The following RGS3 variants were observed in gnomAD, a reference collection of about 807,000 sequenced individuals.
RGS3 encodes the protein regulator of G-protein signalling 3.
A neutral mutation model predicts 132.6 loss-of-function variants in RGS3; 80 were observed. That is an observed-to-expected ratio of 0.60 (90% CI 0.50 to 0.73). The LOEUF is 0.73. Ranked by LOEUF, RGS3 falls within the 30% of genes least tolerant of loss-of-function variation. The probability of loss-of-function intolerance (pLI) is 0.00; values close to 1 mark genes in which losing one functional copy is unlikely to be tolerated. For synonymous variants in RGS3, 598 were observed against 620.6 expected (o/e 0.96, Z 0.54); for missense variants, 1,382 against 1,530.8 (o/e 0.90, Z 1.62).
intron 19 of RGS3, among the ~76,000 whole-genome samples, chr9:113,560,514 T>C (rs1413152668): frequency 6.6e-6 from 1 of 152,226 alleles, no homozygotes; most frequent in Admixed American, 6.5e-5. Flanking sequence ...AGCGGCTTCA[T>C]CTGCCATGAC....
chr9:113,562,627 T>G (rs746675889), intron 19 of RGS3, among the ~76,000 whole-genome samples: 2 of 152,186 alleles, frequency 1.3e-5, no homozygotes, highest in Admixed American at 6.5e-5. Flanking sequence ...GATCAGTGAT[T>G]GGGGCCCAGT....
chr9:113,544,586 A>G (rs2118689505), intron 19 of RGS3, among the ~76,000 whole-genome samples: 1 of 152,376 alleles, frequency 6.6e-6, no homozygotes, highest in South Asian at 2.1e-4. Context: ...CAATTTTGCA[A>G]CGTGGAAGGG....
At chr9:113,505,649 AAGAAT>A in intron 11 of RGS3, 126 bp downstream of exon 9, 1 of 715,466 alleles carries the variant, frequency 1.4e-6, no homozygotes, top group Non-Finnish European at 2.5e-6. Flanking sequence ...TCAAAATGAA[AAGAAT>A]AATATTTTTA....
At chr9:113,572,650 C>T (rs765564597) in intron 19 of RGS3, among the ~76,000 whole-genome samples, 1 of 152,234 alleles carries the variant, frequency 6.6e-6, no homozygotes, top group Non-Finnish European at 1.5e-5. Flanking sequence ...CTTTCTGTTC[C>T]TCCTGCCCTT....
intron 18 of RGS3, among the ~76,000 whole-genome samples, chr9:113,535,757 T>G (rs909919147): frequency 6.6e-6 from 1 of 152,106 alleles, no homozygotes. Flanking sequence ...TGCTCTTAGC[T>G]CCCTGGCTGA....
chr9:113,590,325 C>A (rs909495157), intron 20 of RGS3, among the ~76,000 whole-genome samples: 1 of 152,034 alleles, frequency 6.6e-6, no homozygotes, highest in Non-Finnish European at 1.5e-5. Context: ...ATCCATCCAT[C>A]CACTCATCCA....
At chr9:113,503,266 T>A (rs973560606) in intron 10 of RGS3, 2 of 152,540 alleles carry the variant, frequency 1.3e-5, no homozygotes, top group Non-Finnish European at 1.5e-5. Context: ...GGGTGGCACT[T>A]CGAGTCTTAT....
At chr9:113,589,888 A>G (rs1835330773) in intron 20 of RGS3, 1 of 152,226 alleles carries the variant, frequency 6.6e-6, no homozygotes, top group South Asian at 2.1e-4. Flanking sequence ...AGAGGCTAGG[A>G]AACTTACCCA....
intron 19 of RGS3, chr9:113,582,261 G>C (rs1303325792): frequency 4.6e-5 from 43 of 944,118 alleles, no homozygotes; most frequent in Non-Finnish European, 5.2e-5. Flanking sequence ...CCGGCCTTTG[G>C]GCTCAGTTTT....
chr9:113,573,014 C>A (rs1208060211), intron 19 of RGS3, among the ~76,000 whole-genome samples: 1 of 152,244 alleles, frequency 6.6e-6, no homozygotes, highest in Admixed American at 6.5e-5. Flanking sequence ...ATTATGATTA[C>A]AGAAATTGCA....
intron 18 of RGS3, among the ~76,000 whole-genome samples, chr9:113,533,156 G>T (rs769450591): frequency 2.0e-5 from 3 of 152,156 alleles, no homozygotes; most frequent in Non-Finnish European, 2.9e-5. Flanking sequence ...CCATAAAATG[G>T]GGACAACAAT....
intron 17 of RGS3, among the ~76,000 whole-genome samples, chr9:113,526,924 T>G (rs1229231888): frequency 6.6e-6 from 1 of 152,208 alleles, no homozygotes; most frequent in Non-Finnish European, 1.5e-5. Flanking sequence ...AGAATTTCTC[T>G]CCTGGGTCAG....
At position 113,578,306 on chromosome 9, in the gene RGS3, C is replaced by G. The variant is rs367671989; in HGVS notation, c.2038-5144C>G. 2.6e-5 allele frequency among the ~76,000 whole-genome samples: 4 copies of G among 152,208 alleles called. No homozygotes were observed. In the East Asian group the frequency reaches 7.7e-4, roughly 29 times the overall value. On this transcript the variant is annotated intron_variant, in intron 19 of 24. Transcript: ENST00000350696. ...AGTGCTCATGGGTGCCCTCATGGTG[C>G]TGAGCTCTGGATACTCATTAGCTCA...
intron 19 of RGS3, among the ~76,000 whole-genome samples, chr9:113,540,487 C>A (rs572257448): frequency 6.6e-6 from 1 of 152,132 alleles, no homozygotes; most frequent in Non-Finnish European, 1.5e-5. Context: ...GCCATGCTTG[C>A]GGGTCCTAAG....
chr9:113,549,709 C>G (rs1588235972), intron 19 of RGS3, among the ~76,000 whole-genome samples: 1 of 152,134 alleles, frequency 6.6e-6, no homozygotes, highest in Non-Finnish European at 1.5e-5. Context: ...TTTTTCTCCC[C>G]CATTTAACAG....
At chr9:113,489,363 T>C (rs1341455683) in intron 7 of RGS3, among the ~76,000 whole-genome samples, 2 of 152,212 alleles carry the variant, frequency 1.3e-5, no homozygotes, top group Non-Finnish European at 2.9e-5. Flanking sequence ...GAAAACAAGA[T>C]GTAAATGCAG....
intron 19 of RGS3, among the ~76,000 whole-genome samples, chr9:113,575,906 G>C (rs1834500004): frequency 6.6e-6 from 1 of 152,168 alleles, no homozygotes; most frequent in Non-Finnish European, 1.5e-5. Flanking sequence ...ATGTGCAAAT[G>C]AATCTCCTGG....
Position 113,484,241 on chromosome 9 carries a change from C to G in RGS3, c.620+9C>G, listed in dbSNP as rs780117965. 3.5e-6 allele frequency: 5 copies of G among 1,437,202 alleles called. No individual in the cohort carries two copies. Among genetic ancestry groups the G allele is most frequent in the Admixed American group, 1.8e-5 (1 of 54,622 alleles). 89.0% of individuals were successfully genotyped at this position (1,437,202 alleles called of 1,614,324 possible). A position where few individuals can be genotyped will look rare whatever the true frequency, so the allele number is the denominator to read the frequency against. ...CACGAGCACTTCTTCTTGTAAGAGT[C>G]TGGTGCAGCTGGGCCCTAGAAAGGA... On this transcript the variant is annotated intron_variant, in intron 6 of 24. Coordinates refer to ENST00000350696, the Ensembl canonical transcript of RGS3.
At chr9:113,595,665 T>C (rs1201130804) in exon 24 of RGS3, 10 of 1,614,076 alleles carry the variant, frequency 6.2e-6, no homozygotes. Context: ...GAGTTCTGGT[T>C]GGCTTGTGAG....
Sources: gnomAD v4.1 joint callset for allele counts (sites outside exome capture counted in the v4.1 genomes callset) on GRCh38, gnomAD v4.1.1 for gene constraint, MANE v1.5 for transcripts, NCBI Gene and HGNC (gene_info 2026-07-23, HGNC 2026-07-21) for gene names.